SSBP3: variants seen among roughly 807,000 people sequenced by gnomAD.
The protein encoded by SSBP3 is single stranded DNA binding protein 3.
Under a neutral mutation model 69.6 loss-of-function variants are expected in SSBP3, and 5 were observed. The observed-to-expected ratio is 0.07, with a 90% confidence interval of 0.04 to 0.15. SSBP3 has a LOEUF of 0.15. SSBP3 is among the 10% of genes least tolerant of loss of function. The pLI is 1.00. For missense variants in SSBP3, 312 were observed against 534.0 expected, an observed-to-expected ratio of 0.58 and a Z score of 4.10; for synonymous variants, 196 against 193.4, an observed-to-expected ratio of 1.01 and a Z score of -0.11.
chr1:54,397,204 C>T (rs1416254641), intron 4 of SSBP3, among the ~76,000 whole-genome samples: 1 of 152,222 alleles, frequency 6.6e-6, no homozygotes, highest in Non-Finnish European at 1.5e-5. Flanking sequence ...GCAGCACACT[C>T]CCCCAGCTCT....
chr1:54,411,411 G>A (rs1163874091), upstream of SSBP3, among the ~76,000 whole-genome samples: 3 of 151,988 alleles, frequency 2.0e-5, no homozygotes, highest in Non-Finnish European at 4.4e-5. Context: ...CCAGGAGGCG[G>A]GGGTTGCAGT....
chr1:54,292,534 G>A (rs546153918), intron 4 of SSBP3, among the ~76,000 whole-genome samples: 1 of 152,228 alleles, frequency 6.6e-6, no homozygotes, highest in Admixed American at 6.5e-5. Flanking sequence ...CTCCTGTGTT[G>A]TGAGCGAGGC....
intron 10 of SSBP3, 50 bp downstream of exon 10, chr1:54,243,185 T>TG (rs767078046): frequency 7.7e-6 from 12 of 1,564,694 alleles, no homozygotes; most frequent in South Asian, 1.1e-5. Context: ...TGGCAGAGGG[T>TG]GGGGGAAGAC....
At chr1:54,316,867 T>C (rs1646124601) in intron 4 of SSBP3, among the ~76,000 whole-genome samples, 1 of 152,072 alleles carries the variant, frequency 6.6e-6, no homozygotes, top group Non-Finnish European at 1.5e-5. Context: ...TGGTGTCTGG[T>C]GAGGGCTTGA....
At chr1:54,359,805 G>A (rs1030683105) in intron 4 of SSBP3, among the ~76,000 whole-genome samples, 11 of 152,160 alleles carry the variant, frequency 7.2e-5, no homozygotes, top group Non-Finnish European at 1.3e-4. Context: ...AGGAGGGTGC[G>A]ATGCCATCTT....
At chr1:54,392,628 T>C (rs1010463195) in intron 4 of SSBP3, among the ~76,000 whole-genome samples, 4 of 152,202 alleles carry the variant, frequency 2.6e-5, no homozygotes, top group Non-Finnish European at 5.9e-5. Context: ...CCCTTGTCCA[T>C]CTTCATTAAA....
chr1:54,379,942 T>A (rs904881269), intron 4 of SSBP3, among the ~76,000 whole-genome samples: 3 of 152,150 alleles, frequency 2.0e-5, no homozygotes, highest in African/African-American at 7.2e-5. Context: ...AGCGCACTCA[T>A]TTTTTGGGGC....
intron 14 of SSBP3, chr1:54,238,311 T>C: frequency 4.2e-6 from 2 of 471,102 alleles, no homozygotes; most frequent in Non-Finnish European, 8.8e-6. Flanking sequence ...CCTCGCACTT[T>C]AGGGCCCCAG....
At chr1:54,404,162 G>A (rs975193745) in intron 3 of SSBP3, among the ~76,000 whole-genome samples, 1 of 152,118 alleles carries the variant, frequency 6.6e-6, no homozygotes, top group Non-Finnish European at 1.5e-5. Flanking sequence ...AAGGTTGTGA[G>A]CTCCCGAGGA....
intron 4 of SSBP3, among the ~76,000 whole-genome samples, chr1:54,312,080 A>G (rs1646013432): frequency 1.3e-5 from 2 of 152,312 alleles, no homozygotes; most frequent in South Asian, 4.1e-4. Flanking sequence ...GCTGGGGGCA[A>G]GTGGCCAAAG....
chr1:54,243,618 C>A (rs1570241005), intron 9 of SSBP3, among the ~76,000 whole-genome samples: 6 of 152,268 alleles, frequency 3.9e-5, no homozygotes. Flanking sequence ...CTGTACCTTC[C>A]CCCTGGGCTC....
At chr1:54,242,177 T>C (rs1233255296) in exon 11 of SSBP3, 1 of 1,613,342 alleles carries the variant, frequency 6.2e-7, no homozygotes. Context: ...GTTAGCACTG[T>C]TAGGATTGGG....
intron 4 of SSBP3, among the ~76,000 whole-genome samples, chr1:54,317,987 C>T (rs1646144619): frequency 1.3e-5 from 2 of 152,148 alleles, no homozygotes; most frequent in Admixed American, 6.5e-5. Flanking sequence ...AGACTGGTCT[C>T]GAACTCCTGA....
At chr1:54,331,642 C>T (rs1298791461) in intron 4 of SSBP3, among the ~76,000 whole-genome samples, 4 of 152,178 alleles carry the variant, frequency 2.6e-5, no homozygotes, top group Non-Finnish European at 4.4e-5. Flanking sequence ...TCACTCCTGC[C>T]CTGCAACACG....
At chr1:54,270,424 G>A (rs1423707612) in intron 5 of SSBP3, among the ~76,000 whole-genome samples, 1 of 152,344 alleles carries the variant, frequency 6.6e-6, no homozygotes, top group Admixed American at 6.5e-5. Context: ...GCTAAGGGAG[G>A]TAAATCAGGT....
chr1:54,390,055 G>A (rs1361497171), intron 4 of SSBP3, among the ~76,000 whole-genome samples: 1 of 152,028 alleles, frequency 6.6e-6, no homozygotes, highest in Non-Finnish European at 1.5e-5. Flanking sequence ...ACTTACAACA[G>A]TGCCTGGCAT....
At chr1:54,365,229 A>C (rs1647010457) in intron 4 of SSBP3, among the ~76,000 whole-genome samples, 1 of 152,192 alleles carries the variant, frequency 6.6e-6, no homozygotes, top group Non-Finnish European at 1.5e-5. Flanking sequence ...CCATGCGGTG[A>C]AGCAATCTAA....
intron 4 of SSBP3, among the ~76,000 whole-genome samples, chr1:54,289,045 C>CAAAAAAAAAAAAAA (rs796091545): frequency 7.3e-5 from 3 of 41,138 alleles, no homozygotes; most frequent in South Asian, 6.8e-4. Context: ...AACAAAAAAA[C>CAAAAAAAAAAAAAA]AAAAAAAAAA....
intron 9 of SSBP3, among the ~76,000 whole-genome samples, chr1:54,243,903 G>A (rs1238217606): frequency 6.6e-6 from 1 of 152,122 alleles, no homozygotes; most frequent in Non-Finnish European, 1.5e-5. Context: ...CTGCACTCAG[G>A]GATCATCACT....
Sources: gnomAD v4.1 joint callset for allele counts (sites outside exome capture counted in the v4.1 genomes callset) on GRCh38, gnomAD v4.1.1 for gene constraint, MANE v1.5 for transcripts, NCBI Gene and HGNC (gene_info 2026-07-23, HGNC 2026-07-21) for gene names.